Variants in UNC80 observed in about 807,000 individuals in gnomAD.
UNC80 encodes the protein unc-80 subunit of NALCN channel complex, also known as protein unc-80 homolog.
In UNC80, 164 loss-of-function variants were observed where a neutral mutation model predicts 384.6. The ratio of observed to expected loss-of-function variants is 0.43; its 90% CI spans 0.38 to 0.49. UNC80 has a LOEUF of 0.49. UNC80 is among the 20% of genes least tolerant of loss of function. The pLI is 0.00. For missense variants in UNC80, 3,330 were observed against 4,143.0 expected, an observed-to-expected ratio of 0.80 and a Z score of 5.39; for synonymous variants, 1,486 against 1,527.8, an observed-to-expected ratio of 0.97 and a Z score of 0.64.
intron 7 of UNC80, chr2:209,796,112 C>T (rs1162307137): frequency 6.6e-6 from 1 of 152,238 alleles, no homozygotes; most frequent in Non-Finnish European, 1.5e-5. Flanking sequence ...TGGAGCTGCC[C>T]AAGACCATGG....
Position 209,849,403 on chromosome 2 carries a change from T to A in UNC80, c.3455-48T>A, listed in dbSNP as rs1012630679. On this transcript the variant is annotated intron_variant, in intron 21 of 64. Coordinates refer to ENST00000673920, the MANE Select transcript of UNC80 (RefSeq NM_001371986.1). Reference sequence around the variant, plus strand: ...GAAACTCTTTTTAAACCTGTGATCCTTTACGTTCTCTCTCTTTCATTCCTC... The same window carrying A: ...GAAACTCTTTTTAAACCTGTGATCCATTACGTTCTCTCTCTTTCATTCCTC... The A allele has an allele frequency of 3.2e-6, 5 of 1,543,760 alleles. No homozygotes were observed. The African/African-American group carries it at 5.5e-5, about 17-fold the overall frequency.
chr2:209,887,605 G>C (rs969426405), intron 25 of UNC80, among the ~76,000 whole-genome samples: 1 of 152,152 alleles, frequency 6.6e-6, no homozygotes, highest in Non-Finnish European at 1.5e-5. Context: ...GCACAGTTCC[G>C]AGTCTGATTT....
intron 22 of UNC80, among the ~76,000 whole-genome samples, chr2:209,869,659 A>G (rs7567267): frequency 0.17 from 26,498 of 152,134 alleles, 3,205 homozygotes; most frequent in African/African-American, 0.34. Flanking sequence ...ACTCTATGTC[A>G]TCATCCTTGA....
chr2:209,917,455 TA>T (rs1221859874), intron 31 of UNC80, among the ~76,000 whole-genome samples: 1 of 152,260 alleles, frequency 6.6e-6, no homozygotes, highest in East Asian at 1.9e-4. Flanking sequence ...TGACTCTGGC[TA>T]TCTCCTAAAA....
At chr2:209,883,550 C>A (rs1438221570) in intron 25 of UNC80, among the ~76,000 whole-genome samples, 3 of 151,562 alleles carry the variant, frequency 2.0e-5, no homozygotes, top group African/African-American at 7.3e-5. Flanking sequence ...CCTGCCTCAG[C>A]CTCCCAAGTA....
At chr2:209,799,709 G>C (rs1322309268) in intron 7 of UNC80, among the ~76,000 whole-genome samples, 1 of 152,136 alleles carries the variant, frequency 6.6e-6, no homozygotes, top group African/African-American at 2.4e-5. Flanking sequence ...GCTATGGTTT[G>C]TCATAAACAG....
At chr2:209,923,086 C>T (rs949702837) in intron 35 of UNC80, among the ~76,000 whole-genome samples, 8 of 152,114 alleles carry the variant, frequency 5.3e-5, no homozygotes, top group East Asian at 1.9e-4. Flanking sequence ...TCTCCCATTT[C>T]GTAGTTTGTC....
intron 25 of UNC80, among the ~76,000 whole-genome samples, chr2:209,887,403 C>G (rs1391612596): frequency 6.6e-6 from 1 of 152,160 alleles, no homozygotes; most frequent in African/African-American, 2.4e-5. Flanking sequence ...ACAGCTTCCT[C>G]TGACTACAGC....
intron 51 of UNC80, among the ~76,000 whole-genome samples, chr2:209,966,765 G>A (rs947147877): frequency 2.0e-5 from 3 of 152,162 alleles, no homozygotes; most frequent in African/African-American, 4.8e-5. Context: ...AAGAAGTAGA[G>A]GCGACCAAAA....
Position 209,771,964 on chromosome 2 carries a change from C to A in UNC80, c.-109C>A. ...ATCAGGGCGGAGAGAGCCGGCTCTG[C>A]CTCGGGGAAGGAGGGGATGAGAGTT... On this transcript the variant is annotated 5_prime_UTR_variant, in exon 1 of 65. Coordinates refer to ENST00000673920, the MANE Select transcript of UNC80 (RefSeq NM_001371986.1). 1 of 783,026 alleles carries A rather than the reference C, an allele frequency of 1.3e-6. No homozygotes were observed. The highest frequency in any genetic ancestry group is 2.2e-6 in the Non-Finnish European group (1 of 458,146). The allele number at this position is 783,026 out of a possible 1,614,324, so 48.5% of individuals were successfully genotyped here.
intron 13 of UNC80, among the ~76,000 whole-genome samples, chr2:209,821,834 C>G (rs2153827919): frequency 6.6e-6 from 1 of 152,238 alleles, no homozygotes; most frequent in South Asian, 2.1e-4. Flanking sequence ...AGATTTTAAT[C>G]TCTAACAAAT....
intron 21 of UNC80, among the ~76,000 whole-genome samples, chr2:209,845,873 A>C (rs1299157011): frequency 6.6e-6 from 1 of 152,118 alleles, no homozygotes; most frequent in Non-Finnish European, 1.5e-5. Context: ...TTTATTGCGC[A>C]AACATCATTC....
chr2:209,847,293 TAAAG>T (rs2082237799), intron 21 of UNC80, among the ~76,000 whole-genome samples: 1 of 151,862 alleles, frequency 6.6e-6, no homozygotes, highest in Admixed American at 6.6e-5. Flanking sequence ...TGGCAAAAAA[TAAAG>T]AAAATTAATT....
intron 13 of UNC80, among the ~76,000 whole-genome samples, chr2:209,823,338 G>T (rs1459691129): frequency 2.0e-5 from 3 of 152,156 alleles, no homozygotes; most frequent in Admixed American, 2.0e-4. Flanking sequence ...TTTTAAAGGA[G>T]CTTATAATAA....
intron 7 of UNC80, among the ~76,000 whole-genome samples, chr2:209,805,418 C>A (rs560898309): frequency 1.3e-5 from 2 of 152,186 alleles, no homozygotes; most frequent in African/African-American, 4.8e-5. Flanking sequence ...AAACAAAGGA[C>A]GTTTATTTTT....
intron 7 of UNC80, chr2:209,809,062 G>C (rs945073179): frequency 4.4e-6 from 2 of 453,862 alleles, no homozygotes; most frequent in African/African-American, 4.0e-5. Flanking sequence ...CTCACTGTCG[G>C]ATGAGGACAG....
At position 209,978,712 on chromosome 2, in the gene UNC80, G is replaced by A. The variant is rs564603414; in HGVS notation, c.9118+4G>A. 2 of 1,523,844 alleles carry A rather than the reference G, an allele frequency of 1.3e-6. No individual in the cohort carries two copies. The highest frequency in any genetic ancestry group is 1.8e-6 in the Non-Finnish European group (2 of 1,126,024). 94.4% of individuals were successfully genotyped at this position (1,523,844 alleles called of 1,614,324 possible). On this transcript the variant is annotated splice_donor_region_variant and intron_variant, in intron 59 of 64. Coordinates refer to ENST00000673920, the MANE Select transcript of UNC80 (RefSeq NM_001371986.1). ...ACTGATGAGGAAGATGAGGAAAGTA[G>A]GTCATTCCAGAGAATCTGGGCAGTA...
At chr2:209,845,682 T>G (rs13028068) in intron 21 of UNC80, among the ~76,000 whole-genome samples, 15,879 of 152,266 alleles carry the variant, frequency 0.1, 1,011 homozygotes, top group Middle Eastern at 0.27. Context: ...ATATTTTATG[T>G]GCTTTGGGCT....
At chr2:209,807,608 C>T (rs1038522682) in intron 7 of UNC80, among the ~76,000 whole-genome samples, 4 of 152,026 alleles carry the variant, frequency 2.6e-5, no homozygotes, top group African/African-American at 7.2e-5. Context: ...CGTGATCCGC[C>T]TGCCTCAGCC....
Sources: gnomAD v4.1 joint callset for allele counts (sites outside exome capture counted in the v4.1 genomes callset) on GRCh38, gnomAD v4.1.1 for gene constraint, MANE v1.5 for transcripts, NCBI Gene and HGNC (gene_info 2026-07-23, HGNC 2026-07-21) for gene names.